The following P3H2 variants were observed in gnomAD, a reference collection of about 807,000 sequenced individuals.
The protein encoded by P3H2 is leprecan-like 1.
P3H2 carries 80 observed loss-of-function variants against 87.0 expected under a neutral mutation model. That is an observed-to-expected ratio of 0.92 (90% CI 0.77 to 1.11). P3H2 has a LOEUF of 1.11. Ranked by LOEUF, P3H2 falls within the 50% of genes least tolerant of loss-of-function variation. The pLI, the probability that P3H2 is intolerant of heterozygous loss-of-function variation, is 0.00. For synonymous variants in P3H2, 367 were observed against 359.3 expected, an observed-to-expected ratio of 1.02 and a Z score of -0.24; for missense variants, 1,001 against 923.9, an observed-to-expected ratio of 1.08 and a Z score of -1.08.
intron 1 of P3H2, among the ~76,000 whole-genome samples, chr3:190,049,384 G>T (rs2108959857): frequency 6.6e-6 from 1 of 152,012 alleles, no homozygotes; most frequent in South Asian, 2.1e-4. Context: ...ATCCCCTCCT[G>T]TACCACTTTC....
chr3:190,109,473 G>A (rs1310353574), intron 1 of P3H2, among the ~76,000 whole-genome samples: 1 of 152,298 alleles, frequency 6.6e-6, no homozygotes, highest in Non-Finnish European at 1.5e-5. Flanking sequence ...ATAAATAATT[G>A]GGTTTGAGAA....
At chr3:190,025,164 C>T (rs1034204336) in intron 1 of P3H2, among the ~76,000 whole-genome samples, 1 of 151,044 alleles carries the variant, frequency 6.6e-6, no homozygotes, top group Non-Finnish European at 1.5e-5. Flanking sequence ...TTTTCAACCA[C>T]AGTCACTAGT....
intron 1 of P3H2, among the ~76,000 whole-genome samples, chr3:190,113,274 C>T (rs1712144337): frequency 6.6e-6 from 1 of 152,154 alleles, no homozygotes; most frequent in South Asian, 2.1e-4. Flanking sequence ...TCTGTGAGGC[C>T]AGTGTCATCA....
rs567566951 is a variant in P3H2 at position 190,092,618 on chromosome 3, T to C, written c.480+27634A>G. ...ATTAGAGAGCTTACAGCTGCCTTAT[T>C]AAGAGGATTATTCTTTCGGGAAGCT... On this transcript the variant is annotated intron_variant, in intron 1 of 14. Transcript: ENST00000319332. Among the ~76,000 whole-genome samples the C allele has an allele frequency of 7.0e-4, 107 of 152,350 alleles. 1 individual carries two copies. Among genetic ancestry groups the C allele is most frequent in the Non-Finnish European group, 8.4e-4 (57 of 68,040 alleles).
At chr3:189,996,159 C>T (rs115330649) in intron 1 of P3H2, among the ~76,000 whole-genome samples, 2,711 of 152,164 alleles carry the variant, frequency 0.018, 69 homozygotes, top group African/African-American at 0.062. Flanking sequence ...ATCTGTACTC[C>T]CATGTTTATT....
Position 190,024,530 on chromosome 3 carries a change from C to CAAAAAA in P3H2, c.481-29094_481-29089dup, listed in dbSNP as rs71635314. ...TGGGCAATAGAGTGAGGTTCCCTCT[C>CAAAAAA]AAAAAAAAAAAAAAAAAAAAAAAGA... On this transcript the variant is annotated intron_variant, in intron 1 of 14. Coordinates refer to ENST00000319332, the MANE Select transcript of P3H2 (RefSeq NM_018192.4). Among the ~76,000 whole-genome samples, 119 of 52,852 alleles carry CAAAAAA rather than the reference C, an allele frequency of 2.3e-3. 2 individuals are homozygous for CAAAAAA. The highest frequency in any genetic ancestry group is 6.3e-3 in the African/African-American group (96 of 15,306). The allele number at this position is 52,852 out of a possible 152,430, so 34.7% of individuals were successfully genotyped here.
intron 6 of P3H2, among the ~76,000 whole-genome samples, chr3:189,984,946 A>C (rs945832870): frequency 6.6e-6 from 1 of 152,172 alleles, no homozygotes; most frequent in Non-Finnish European, 1.5e-5. Flanking sequence ...TAAAACAAGC[A>C]AACAAAATTG....
rs138879349 is a variant in P3H2, at chr3:190,086,269, G to A, written c.480+33983C>T. Among the ~76,000 whole-genome samples the A allele has an allele frequency of 5.5e-4, 84 of 152,254 alleles. 1 individual carries two copies. In the East Asian group the frequency reaches 0.014, roughly 26 times the overall value. On this transcript the variant is annotated intron_variant, in intron 1 of 14. Transcript: ENST00000319332. The stretch of plus-strand genomic sequence containing the variant: ...GTCTCTCACTTGGAGTCTCTTAAGG[G>A]CTATCACTGAATACCCTCTAACTGC...
At chr3:189,979,811 T>C (rs1034620879) in intron 8 of P3H2, among the ~76,000 whole-genome samples, 3 of 148,194 alleles carry the variant, frequency 2.0e-5, no homozygotes, top group Non-Finnish European at 3.0e-5. Context: ...AAAAAAAAAA[T>C]GAAGAAATTA....
At chr3:190,011,196 C>G (rs1724575713) in intron 1 of P3H2, among the ~76,000 whole-genome samples, 1 of 151,618 alleles carries the variant, frequency 6.6e-6, no homozygotes, top group Non-Finnish European at 1.5e-5. Flanking sequence ...TTGCTTGAAC[C>G]CAGGAGGCGG....
intron 1 of P3H2, among the ~76,000 whole-genome samples, chr3:190,097,218 C>G (rs1246206018): frequency 1.3e-5 from 2 of 150,622 alleles, no homozygotes; most frequent in Non-Finnish European, 3.0e-5. Flanking sequence ...CAAGGAGAAT[C>G]AATGTGAAAC....
chr3:189,987,668 A>T lies in P3H2; in HGVS notation c.957T>A (p.Val319=), dbSNP rs757844838. 3 of 1,614,016 alleles carry T rather than the reference A, an allele frequency of 1.9e-6. No homozygotes were observed. The highest frequency in any genetic ancestry group is 1.1e-5 in the South Asian group (1 of 91,084). The change falls in exon 5 of 15, where the codon GTT becomes GTA. Residue 319 remains valine (V), a splice_region_variant and synonymous_variant. Coordinates refer to ENST00000319332, the MANE Select transcript of P3H2 (RefSeq NM_018192.4). ...YDYLQFAYYR[V]GEYVKALECA... ...ACTCCAGGGCTTTCACATACTCACC[A>T]ACTGAAAGACAAAGGAGTTGCAGCA... is the stretch of plus-strand genomic sequence containing the variant.
chr3:189,989,166 C>T (rs1272758028), intron 3 of P3H2, 128 bp from the exon 4 acceptor site: 2 of 1,128,420 alleles, frequency 1.8e-6, no homozygotes, highest in African/African-American at 1.5e-5. Context: ...TTATAATCCT[C>T]ACTTCCGGAC....
chr3:190,113,238 C>T (rs1712142558), intron 1 of P3H2, among the ~76,000 whole-genome samples: 1 of 152,206 alleles, frequency 6.6e-6, no homozygotes, highest in Non-Finnish European at 1.5e-5. Flanking sequence ...GCTCCATTTG[C>T]TTTCCCTTCT....
Position 190,033,119 on chromosome 3 carries a change from C to T in P3H2, c.481-37677G>A, listed in dbSNP as rs562326982. ...AAAGTTCACAATAGCGCTCGCGCTC[C>T]TAAGAGAATCTAATGCCACTGCTGA... On this transcript the variant is annotated intron_variant, in intron 1 of 14. Transcript: ENST00000319332. Among the ~76,000 whole-genome samples, 3 of 152,226 alleles carry T rather than the reference C, an allele frequency of 2.0e-5. No homozygotes were observed. The South Asian group carries it at 6.2e-4, about 32-fold the overall frequency.
At chr3:190,102,703 G>C (rs1246963685) in intron 1 of P3H2, among the ~76,000 whole-genome samples, 1 of 152,242 alleles carries the variant, frequency 6.6e-6, no homozygotes, top group Non-Finnish European at 1.5e-5. Context: ...CATAAGCTTA[G>C]TTGATAAAGC....
intron 1 of P3H2, among the ~76,000 whole-genome samples, chr3:190,031,180 A>C (rs1254166180): frequency 6.6e-6 from 1 of 152,218 alleles, no homozygotes; most frequent in Admixed American, 6.5e-5. Flanking sequence ...ATATATGCAG[A>C]TATTTCTAAT....
At chr3:189,982,661 C>T (rs1398665876) in intron 8 of P3H2, among the ~76,000 whole-genome samples, 1 of 152,110 alleles carries the variant, frequency 6.6e-6, no homozygotes, top group Non-Finnish European at 1.5e-5. Flanking sequence ...TGGCTGGTCT[C>T]CTCTCCAAGT....
chr3:190,098,786 T>A (rs1367892993), intron 1 of P3H2, among the ~76,000 whole-genome samples: 1 of 152,220 alleles, frequency 6.6e-6, no homozygotes. Context: ...TAGGTGTATT[T>A]CGCAGAATTA....
Sources: allele counts gnomAD v4.1 joint callset (sites outside exome capture counted in the v4.1 genomes callset), GRCh38; gene constraint gnomAD v4.1.1; transcripts MANE v1.5; gene names NCBI Gene and HGNC (gene_info 2026-07-23, HGNC 2026-07-21).